Variants in CLN6 observed in about 807,000 individuals in gnomAD.
CLN6 encodes ceroid-lipofuscinosis neuronal protein 6.
Under a neutral mutation model 33.3 loss-of-function variants are expected in CLN6, and 22 were observed. That is an observed-to-expected ratio of 0.66 (90% CI 0.47 to 0.94). The LOEUF is 0.94. Ranked by LOEUF, CLN6 falls within the 40% of genes least tolerant of loss-of-function variation. The pLI is 0.00. For synonymous variants in CLN6, 201 were observed against 174.6 expected (o/e 1.15, Z -1.19); for missense variants, 387 against 417.1 (o/e 0.93, Z 0.63).
At chr15:68,245,701 T>C (rs1240291798) in intron 1 of CLN6, among the ~76,000 whole-genome samples, 1 of 152,158 alleles carries the variant, frequency 6.6e-6, no homozygotes, top group Non-Finnish European at 1.5e-5. Flanking sequence ...ATTGGAGAAT[T>C]CAGTCAATTC....
Position 68,209,814 on chromosome 15 carries a change from A to T in CLN6, c.543-55T>A, listed in dbSNP as rs1373874429. ...CCTGCTCAGCGGCCCTCTTCCCCACAACCTCTGCAACCACTCCCATGGGGT... is the reference window on the plus strand; with the variant it reads ...CCTGCTCAGCGGCCCTCTTCCCCACTACCTCTGCAACCACTCCCATGGGGT... On this transcript the variant is annotated intron_variant, in intron 5 of 6. Transcript: ENST00000249806. The surrounding 1 kb of genome is among the most constrained non-coding windows in gnomAD (Gnocchi z 4.9). 24 of 1,605,682 alleles carry T rather than the reference A, an allele frequency of 1.5e-5. No individual in the cohort carries two copies. The highest frequency in any genetic ancestry group is 2.0e-5 in the Non-Finnish European group (23 of 1,176,390).
Position 68,256,601 on chromosome 15 carries a change from G to A in CLN6, c.179+89C>T, listed in dbSNP as rs1045210391. The A allele has an allele frequency of 5.2e-6, 3 of 576,324 alleles. No homozygotes were observed. The highest frequency in any genetic ancestry group is 6.0e-5 in the Admixed American group (2 of 33,272). The allele number at this position is 576,324 out of a possible 1,614,324, so 35.7% of individuals were successfully genotyped here. On this transcript the variant is annotated intron_variant, in intron 1 of 6. Coordinates refer to the CLN6 transcript ENST00000538696. The surrounding 1 kb of genome is among the most constrained non-coding windows in gnomAD (Gnocchi z 4.1). Reference sequence around the variant, plus strand: ...CCCCACACACGTGGCTGGCTTCAGGGGTGTGGGCAGTGCAGTCGCACAGGG... The same window carrying A: ...CCCCACACACGTGGCTGGCTTCAGGAGTGTGGGCAGTGCAGTCGCACAGGG...
At position 68,208,032 on chromosome 15, in the gene CLN6, G is replaced by T; in HGVS notation, c.*108C>A. ...CGCACACGAGGCACACCCCACTCAT[G>T]CTCTCGGTCTCTGGTTACACACCCA... On this transcript the variant is annotated 3_prime_UTR_variant, in exon 7 of 7. Transcript: ENST00000249806. This position sits in a 1 kb window ranked among gnomAD's most constrained non-coding sequence, Gnocchi z 5.8. The T allele has an allele frequency of 8.2e-7, 1 of 1,224,886 alleles. No homozygotes were observed. Among genetic ancestry groups the T allele is most frequent in the Non-Finnish European group, 1.2e-6 (1 of 861,728 alleles). 75.9% of individuals were successfully genotyped at this position (1,224,886 alleles called of 1,614,324 possible).
chr15:68,255,169 C>T (rs1010857595), intron 1 of CLN6, among the ~76,000 whole-genome samples: 4 of 152,140 alleles, frequency 2.6e-5, no homozygotes, highest in Non-Finnish European at 5.9e-5. Context: ...AGGGGGATTC[C>T]CTGACTTTGA....
At position 68,217,843 on chromosome 15, in the gene CLN6, T is replaced by A. The variant is rs2093224602; in HGVS notation, c.198+693A>T. ...TCTCACTTAATTTTCTTCACGTTCG[T>A]CTATTTATTATCTATCATCTGTCAA... On this transcript the variant is annotated intron_variant, in intron 2 of 6. Transcript: ENST00000249806. Among the ~76,000 whole-genome samples, 3 of 152,048 alleles carry A rather than the reference T, an allele frequency of 2.0e-5. No homozygotes were observed. In the South Asian group the frequency reaches 6.2e-4, roughly 32 times the overall value.
chr15:68,229,104 G>C (rs2093260244), intron 1 of CLN6, among the ~76,000 whole-genome samples: 1 of 151,974 alleles, frequency 6.6e-6, no homozygotes, highest in Non-Finnish European at 1.5e-5. Flanking sequence ...GTGGCGCCCG[G>C]AACTTGCGGA....
intron 1 of CLN6, among the ~76,000 whole-genome samples, chr15:68,249,402 C>T (rs926476432): frequency 6.6e-6 from 1 of 152,112 alleles, no homozygotes; most frequent in Non-Finnish European, 1.5e-5. Flanking sequence ...TTCACAATAA[C>T]CAAAATATGG....
intron 2 of CLN6, chr15:68,215,480 G>A (rs1305880827): frequency 6.6e-6 from 1 of 152,160 alleles, no homozygotes; most frequent in African/African-American, 2.4e-5. Flanking sequence ...GTACTGACAT[G>A]GAGAGAGAGC....
Position 68,208,318 on chromosome 15 carries a change from A to G in CLN6, c.758T>C (p.Leu253Pro). 1 of 1,614,156 alleles carries G rather than the reference A, an allele frequency of 6.2e-7. No homozygotes were observed. The highest frequency in any genetic ancestry group is 8.5e-7 in the Non-Finnish European group (1 of 1,180,046). The change falls in exon 7 of 7, where the codon CTC (leucine) becomes CCC (proline). Residue 253 changes from leucine (L) to proline (P), a missense_variant. Leu to Pro is a moderately conservative substitution (Grantham distance 98). Transcript: ENST00000249806. The surrounding 1 kb of genome is among the most constrained non-coding windows in gnomAD (Gnocchi z 5.8). ...GAAGAGGCCGTTGCTGTCCAGGAAG[A>G]GGCGCTTGCGCTTCTGGTGCAGGAC... The part of the protein sequence containing the change: ...ALVLHQKRKR[L>P]FLDSNGLFLF...
chr15:68,212,013 C>A, intron 3 of CLN6, 150 bp from the exon 4 acceptor site: 1 of 746,992 alleles, frequency 1.3e-6, no homozygotes, highest in Non-Finnish European at 2.2e-6. Context: ...CAGGCCAGCC[C>A]AGCCTCCAGA....
chr15:68,248,818 A>G (rs1164716271), intron 1 of CLN6, among the ~76,000 whole-genome samples: 2 of 152,222 alleles, frequency 1.3e-5, no homozygotes, highest in Non-Finnish European at 2.9e-5. Flanking sequence ...CATCAAGCTA[A>G]AAATCTTCTG....
At chr15:68,216,975 C>G (rs1482173511) in intron 2 of CLN6, among the ~76,000 whole-genome samples, 1 of 152,326 alleles carries the variant, frequency 6.6e-6, no homozygotes. Flanking sequence ...TACTTATTCT[C>G]TCTCTCCTCA....
chr15:68,229,764 C>CGGTG, upstream of CLN6: 2 of 362,652 alleles, frequency 5.5e-6, no homozygotes, highest in African/African-American at 2.7e-5. Context: ...CGGAGCGGAG[C>CGGTG]GGAGCGGAGC....
chr15:68,213,860 T>C, intron 3 of CLN6: 1 of 229,516 alleles, frequency 4.4e-6, no homozygotes. Context: ...GGGCAGAGGA[T>C]GGAGTTCAGC....
At chr15:68,216,088 G>C (rs1289545408) in intron 2 of CLN6, among the ~76,000 whole-genome samples, 2 of 152,208 alleles carry the variant, frequency 1.3e-5, no homozygotes, top group African/African-American at 4.8e-5. Flanking sequence ...GTCCTACTTA[G>C]GGTTACAGTG....
In CLN6 at chr15:68,236,261, G is replaced by A. The variant is rs773808988; in HGVS notation, c.180-17611C>T. On this transcript the variant is annotated intron_variant, in intron 1 of 6. Transcript: ENST00000538696. The surrounding 1 kb of genome is among the most constrained non-coding windows in gnomAD (Gnocchi z 4.5). The stretch of plus-strand genomic sequence containing the variant: ...CCCAGCAACTCTGCTTTTAGGTATA[G>A]GACCAAGAGCTCTGAAAAAAAAGTC... Among the ~76,000 whole-genome samples, 1 of 152,106 alleles carries A rather than the reference G, an allele frequency of 6.6e-6. No individual in the cohort carries two copies. Among genetic ancestry groups the A allele is most frequent in the African/African-American group, 2.4e-5 (1 of 41,402 alleles).
At chr15:68,248,983 C>A (rs117499956) in intron 1 of CLN6, among the ~76,000 whole-genome samples, 1 of 152,014 alleles carries the variant, frequency 6.6e-6, no homozygotes, top group East Asian at 1.9e-4. Context: ...AAAACAACAA[C>A]AACAAAAAAA....
rs1465563430 is a variant in CLN6 at position 68,210,403 on chromosome 15, G to A, written c.543-644C>T. On this transcript the variant is annotated intron_variant, in intron 5 of 6. Coordinates refer to ENST00000249806, the MANE Select transcript of CLN6 (RefSeq NM_017882.3). The surrounding 1 kb of genome is among the most constrained non-coding windows in gnomAD (Gnocchi z 5.6). Reference sequence around the variant, plus strand: ...CCAACCTTCTGTGGGAAGAGGCTCTGGCAAAGGCCAGGGAAAGATGGCAGG... The same window carrying A: ...CCAACCTTCTGTGGGAAGAGGCTCTAGCAAAGGCCAGGGAAAGATGGCAGG... Among the ~76,000 whole-genome samples, 1 of 152,204 alleles carries A rather than the reference G, an allele frequency of 6.6e-6. No individual in the cohort carries two copies. Among genetic ancestry groups the A allele is most frequent in the African/African-American group, 2.4e-5 (1 of 41,448 alleles).
intron 2 of CLN6, chr15:68,218,091 T>C (rs866831355): frequency 1.9e-5 from 4 of 210,408 alleles, no homozygotes; most frequent in Middle Eastern, 1.9e-3. Flanking sequence ...ATATATAATA[T>C]GCAAAATCAG....
Sources: gnomAD v4.1 joint callset for allele counts (sites outside exome capture counted in the v4.1 genomes callset) on GRCh38, gnomAD v4.1.1 for gene constraint, Gnocchi (gnomAD v3.1) non-coding constraint, MANE v1.5 for transcripts, NCBI Gene and HGNC (gene_info 2026-07-23, HGNC 2026-07-21) for gene names.